The following TNRC6A variants were observed in gnomAD, a reference collection of about 807,000 sequenced individuals.
The protein encoded by TNRC6A is trinucleotide repeat-containing gene 6A protein.
TNRC6A carries 44 observed loss-of-function variants against 221.2 expected under a neutral mutation model. That is an observed-to-expected ratio of 0.20 (90% CI 0.16 to 0.26). The LOEUF is 0.26. TNRC6A is among the 10% of genes least tolerant of loss of function. The probability of loss-of-function intolerance (pLI) is 1.00; values close to 1 mark genes in which losing one functional copy is unlikely to be tolerated. For synonymous variants in TNRC6A, 847 were observed against 838.5 expected, an observed-to-expected ratio of 1.01 and a Z score of -0.18; for missense variants, 2,199 against 2,404.4, an observed-to-expected ratio of 0.91 and a Z score of 1.79.
In TNRC6A at chr16:24,687,843, GGAAGAA is replaced by G. The variant is rs758957416; in HGVS notation, n.402+46869_402+46874del. Among the ~76,000 whole-genome samples, 160 of 101,920 alleles carry G rather than the reference GGAAGAA, an allele frequency of 1.6e-3. 1 individual carries two copies. Among genetic ancestry groups the G allele is most frequent in the Middle Eastern group, 4.8e-3 (1 of 208 alleles). The allele number at this position is 101,920 out of a possible 152,430, so 66.9% of individuals were successfully genotyped here. On this transcript the variant is annotated intron_variant and non_coding_transcript_variant, in intron 2 of 2. Transcript: ENST00000566108. ...AAGAGGAAGAAGAGGAAGAGGAAGA[GGAAGAA>G]GAAGAAGAAGAAGAAGAAGAAGAAG... is the stretch of plus-strand genomic sequence containing the variant.
chr16:24,730,341 C>G, intron 2 of TNRC6A, 41 bp downstream of exon 2: 5 of 1,597,214 alleles, frequency 3.1e-6, no homozygotes, highest in Non-Finnish European at 4.3e-6. Context: ...CCACGATAAT[C>G]GTATATTTCT....
intron 4 of TNRC6A, among the ~76,000 whole-genome samples, chr16:24,771,564 ATGTTATGTTATGTTATGT>A (rs1231074044): frequency 8.7e-5 from 6 of 68,908 alleles, no homozygotes; most frequent in Non-Finnish European, 1.6e-4. Flanking sequence ...GTTATGTTTT[ATGTTATGTTATGTTATGT>A]TGTTATGTTA....
intron 3 of TNRC6A, among the ~76,000 whole-genome samples, chr16:24,751,726 A>T (rs1485127982): frequency 6.6e-6 from 1 of 152,120 alleles, no homozygotes; most frequent in Non-Finnish European, 1.5e-5. Context: ...TTGTGCTAGG[A>T]ACTGGATGTA....
chr16:24,720,948 G>C (rs12599340), intron 2 of TNRC6A, among the ~76,000 whole-genome samples: 7 of 151,050 alleles, frequency 4.6e-5, no homozygotes, highest in Admixed American at 3.3e-4. Flanking sequence ...CCAGCCACTC[G>C]GGAAGCTGAG....
In TNRC6A at chr16:24,804,865, T is replaced by C. The variant is rs749517090; in HGVS notation, c.3984+14T>C. On this transcript the variant is annotated intron_variant, in intron 13 of 24. Coordinates refer to ENST00000395799, the MANE Select transcript of TNRC6A (RefSeq NM_014494.4). ...TCTGTTAGACAGGTAAGTCCAGATG[T>C]GTATTTTAGGCTCTCAGTTGAATGA... The C allele has an allele frequency of 3.7e-6, 6 of 1,613,472 alleles. No homozygotes were observed. The South Asian group carries it at 6.6e-5, about 18-fold the overall frequency.
At position 24,789,631 on chromosome 16, in the gene TNRC6A, C is replaced by A; in HGVS notation, c.989C>A (p.Ala330Asp). The change falls in exon 6 of 25, where the codon GCT (alanine) becomes GAT (aspartate). Residue 330 changes from alanine (A) to aspartate (D), a missense_variant. Physicochemically the swap from Ala to Asp is moderately radical, Grantham distance 126. This residue lies in a region of TNRC6A where 1,405 missense variants were observed against 1,400.2 expected (regional missense o/e 1.00). Coordinates refer to ENST00000395799, the MANE Select transcript of TNRC6A (RefSeq NM_014494.4). ...IISTCQVSVD[A>D]PESKSESSNN... ...AGCACATGTCAGGTCTCTGTGGATGCTCCTGAAAGCAAATCTGAAAGTAGC... is the reference window on the plus strand; with the variant it reads ...AGCACATGTCAGGTCTCTGTGGATGATCCTGAAAGCAAATCTGAAAGTAGC... The A allele has an allele frequency of 6.2e-7, 1 of 1,614,086 alleles. No individual in the cohort carries two copies.
At chr16:24,714,302 C>CTTTTTTTTTTTTTTTT (rs60469088) in intron 2 of TNRC6A, among the ~76,000 whole-genome samples, 2 of 71,272 alleles carry the variant, frequency 2.8e-5, no homozygotes, top group Non-Finnish European at 4.9e-5. Flanking sequence ...TGCTGTTAAT[C>CTTTTTTTTTTTTTTTT]TTTTTTTTTT....
Position 24,776,825 on chromosome 16 carries a change from TG to T in TNRC6A, c.164-107del, listed in dbSNP as rs990960466. On this transcript the variant is annotated intron_variant, in intron 4 of 24. Coordinates refer to ENST00000395799, the MANE Select transcript of TNRC6A (RefSeq NM_014494.4). ...GATATCCCTGCTCACAGAAAGCTTC[TG>T]TTTTTTTAGGATTATTTTTCTTAGT... 5.3e-6 allele frequency: 8 copies of T among 1,513,116 alleles called. No homozygotes were observed. The African/African-American group carries it at 1.1e-4, about 21-fold the overall frequency. 93.7% of individuals were successfully genotyped at this position (1,513,116 alleles called of 1,614,324 possible).
chr16:24,612,016 C>A (rs1433065877), intron 1 of TNRC6A, among the ~76,000 whole-genome samples: 1 of 152,094 alleles, frequency 6.6e-6, no homozygotes, highest in Non-Finnish European at 1.5e-5. Context: ...ATCGCTTGAG[C>A]CCAGGAGGCA....
intron 15 of TNRC6A, 43 bp downstream of exon 15, chr16:24,805,776 A>T: frequency 6.2e-7 from 1 of 1,612,886 alleles, no homozygotes; most frequent in South Asian, 1.1e-5. Flanking sequence ...TTTATGGAGC[A>T]TCTACTGTAT....
At chr16:24,659,218 CACTT>C (rs1283993592) in intron 2 of TNRC6A, among the ~76,000 whole-genome samples, 3 of 152,118 alleles carry the variant, frequency 2.0e-5, no homozygotes, top group Non-Finnish European at 2.9e-5. Flanking sequence ...ATACTAAACT[CACTT>C]ACTTTCTTTG....
intron 2 of TNRC6A, among the ~76,000 whole-genome samples, chr16:24,682,077 G>A (rs2055542963): frequency 6.6e-6 from 1 of 152,118 alleles, no homozygotes; most frequent in South Asian, 2.1e-4. Flanking sequence ...TGTTGTACGG[G>A]GGAATTGGAG....
intron 4 of TNRC6A, among the ~76,000 whole-genome samples, chr16:24,765,263 G>A (rs2057448770): frequency 6.6e-6 from 1 of 152,158 alleles, no homozygotes; most frequent in African/African-American, 2.4e-5. Flanking sequence ...GAAAACTGAG[G>A]CTCAAGTAGT....
rs2055632794 is a variant in TNRC6A at position 24,686,708 on chromosome 16, G to A, written n.402+45699G>A. 2.0e-5 allele frequency among the ~76,000 whole-genome samples: 3 copies of A among 152,132 alleles called. No homozygotes were observed. In the South Asian group the frequency reaches 6.2e-4, roughly 32 times the overall value. On this transcript the variant is annotated intron_variant and non_coding_transcript_variant, in intron 2 of 2. Coordinates refer to the TNRC6A transcript ENST00000566108. ...CTACTTGGTAAATGGAGACAGGCAT[G>A]TAAATAAGCACTACACAATAGGATC...
At chr16:24,792,898 C>T (rs2058140512) in intron 6 of TNRC6A, among the ~76,000 whole-genome samples, 1 of 151,486 alleles carries the variant, frequency 6.6e-6, no homozygotes, top group African/African-American at 2.4e-5. Context: ...AAGCAATTCT[C>T]CTGTCTCAGC....
At chr16:24,623,630 G>T (rs947609287) in intron 1 of TNRC6A, among the ~76,000 whole-genome samples, 1 of 151,812 alleles carries the variant, frequency 6.6e-6, no homozygotes, top group Non-Finnish European at 1.5e-5. Context: ...ACATGGTGGC[G>T]CACACCTGTA....
chr16:24,653,738 C>A (rs532067391), intron 2 of TNRC6A, among the ~76,000 whole-genome samples: 2 of 150,626 alleles, frequency 1.3e-5, no homozygotes, highest in Admixed American at 1.3e-4. Context: ...AGAGATGGCA[C>A]CACTGTATTC....
intron 21 of TNRC6A, 102 bp downstream of exon 21, chr16:24,818,802 G>A: frequency 1.1e-6 from 1 of 878,102 alleles, no homozygotes; most frequent in East Asian, 2.6e-5. Flanking sequence ...CAGGGAATTA[G>A]GAGATTCTGT....
chr16:24,820,114 C>G, intron 21 of TNRC6A, 25 bp from the exon 22 acceptor site: 1 of 1,597,204 alleles, frequency 6.3e-7, no homozygotes, highest in South Asian at 1.1e-5. Context: ...TTCCTCCCCT[C>G]TCCATTTTTT....
Sources: allele counts gnomAD v4.1 joint callset (sites outside exome capture counted in the v4.1 genomes callset), GRCh38; gene constraint gnomAD v4.1.1; regional missense constraint gnomAD v4.1.1; transcripts MANE v1.5; gene names NCBI Gene and HGNC (gene_info 2026-07-23, HGNC 2026-07-21).